Variants in XNDC1N observed in about 807,000 individuals in gnomAD.
XNDC1N encodes the protein XRCC1 N-terminal domain containing 1, N-terminal like.
the XNDC1N span, among the ~76,000 whole-genome samples, chr11:71,866,733 G>A: frequency 6.6e-6 from 1 of 151,516 alleles, no homozygotes; most frequent in East Asian, 1.9e-4. Flanking sequence ...CACTGTACTC[G>A]AGCCTGGGCG....
the XNDC1N span, among the ~76,000 whole-genome samples, chr11:71,891,420 G>C: frequency 6.6e-6 from 1 of 151,622 alleles, no homozygotes; most frequent in African/African-American, 2.4e-5. Flanking sequence ...GACTAACAAG[G>C]TCATGGGGAT....
At chr11:71,913,681 A>G in the XNDC1N span, among the ~76,000 whole-genome samples, 15 of 149,952 alleles carry the variant, frequency 1.0e-4, no homozygotes, top group East Asian at 2.0e-4. Context: ...AAAAAAAAAA[A>G]AAAAAAAGAA....
chr11:71,870,047 G>A, the XNDC1N span, among the ~76,000 whole-genome samples: 47 of 152,278 alleles, frequency 3.1e-4, 1 homozygote, highest in Middle Eastern at 0.02. Context: ...TACGTCTTAC[G>A]TGGTGTCAAG....
the XNDC1N span, among the ~76,000 whole-genome samples, chr11:71,905,885 A>G: frequency 6.6e-6 from 1 of 152,048 alleles, no homozygotes; most frequent in Non-Finnish European, 1.5e-5. Flanking sequence ...ACCCACTGTG[A>G]TCATTAAAGT....
chr11:71,907,168 C>T, the XNDC1N span, among the ~76,000 whole-genome samples: 354 of 151,904 alleles, frequency 2.3e-3, 1 homozygote, highest in South Asian at 0.01. Flanking sequence ...CACATTATCA[C>T]GAATAATATC....
At chr11:71,914,429 G>A in the XNDC1N span, 5 of 454,686 alleles carry the variant, frequency 1.1e-5, no homozygotes, top group Admixed American at 2.4e-5. Context: ...GCTCATGCCT[G>A]TAATCCCAGA....
chr11:71,899,299 C>T, the XNDC1N span, among the ~76,000 whole-genome samples: 3 of 152,118 alleles, frequency 2.0e-5, no homozygotes, highest in East Asian at 5.8e-4. Context: ...CATGGTGCAC[C>T]ACACAGGGAG....
the XNDC1N span, among the ~76,000 whole-genome samples, chr11:71,870,271 C>T: frequency 9.9e-5 from 15 of 152,236 alleles, no homozygotes; most frequent in East Asian, 2.3e-3. Context: ...TTCTTTGACA[C>T]CTTTGATGGT....
chr11:71,873,249 A>G, the XNDC1N span, among the ~76,000 whole-genome samples: 2 of 152,128 alleles, frequency 1.3e-5, no homozygotes, highest in African/African-American at 4.8e-5. Flanking sequence ...ATGTCTTGAA[A>G]ACCATAAATG....
the XNDC1N span, among the ~76,000 whole-genome samples, chr11:71,925,440 C>T: frequency 1.3e-5 from 2 of 152,108 alleles, no homozygotes; most frequent in African/African-American, 4.8e-5. Context: ...ATCTAAACAT[C>T]AAGCAGTCCT....
chr11:71,912,009 T>C, the XNDC1N span, among the ~76,000 whole-genome samples: 1 of 152,166 alleles, frequency 6.6e-6, no homozygotes, highest in African/African-American at 2.4e-5. Flanking sequence ...AGAGTAACTG[T>C]GCCACAGCTG....
the XNDC1N span, among the ~76,000 whole-genome samples, chr11:71,912,727 A>G: frequency 1.6e-4 from 25 of 152,102 alleles, no homozygotes; most frequent in Non-Finnish European, 3.4e-4. Flanking sequence ...TTCCCCCTGG[A>G]TATTAGGAAC....
the XNDC1N span, chr11:71,884,508 A>C: frequency 6.2e-7 from 1 of 1,609,930 alleles, no homozygotes; most frequent in Non-Finnish European, 8.5e-7. Flanking sequence ...TGCTGACTTC[A>C]GCATCTGCTG....
chr11:71,868,718 C>T, the XNDC1N span, among the ~76,000 whole-genome samples: 2 of 152,034 alleles, frequency 1.3e-5, no homozygotes, highest in Non-Finnish European at 2.9e-5. Flanking sequence ...AATACTTTTT[C>T]TTTCATGTCG....
chr11:71,920,598 C>T, the XNDC1N span, among the ~76,000 whole-genome samples: 1 of 152,196 alleles, frequency 6.6e-6, no homozygotes, highest in Non-Finnish European at 1.5e-5. Context: ...AGCCACCGTG[C>T]CCGGCCAAGA....
chr11:71,866,470 T>A, the XNDC1N span, among the ~76,000 whole-genome samples: 1 of 152,216 alleles, frequency 6.6e-6, no homozygotes, highest in African/African-American at 2.4e-5. Flanking sequence ...CCAAAGGAGT[T>A]AATTTTATTG....
chr11:71,923,452 A>G, the XNDC1N span: 1 of 669,684 alleles, frequency 1.5e-6, no homozygotes, highest in Non-Finnish European at 2.7e-6. Flanking sequence ...AGCTTCCAGA[A>G]AAGCAAGAAT....
At chr11:71,898,155 G>C in the XNDC1N span, among the ~76,000 whole-genome samples, 1 of 151,874 alleles carries the variant, frequency 6.6e-6, no homozygotes, top group Non-Finnish European at 1.5e-5. Flanking sequence ...CTGCACTCCA[G>C]CCTGTGCGAC....
chr11:71,908,510 G>A, the XNDC1N span, among the ~76,000 whole-genome samples: 1 of 152,018 alleles, frequency 6.6e-6, no homozygotes, highest in East Asian at 1.9e-4. Flanking sequence ...TCAACAGCTC[G>A]TTTACAACCC....
Sources: gnomAD v4.1 joint callset for allele counts (sites outside exome capture counted in the v4.1 genomes callset) on GRCh38, gnomAD v4.1.1 for gene constraint, MANE v1.5 for transcripts, NCBI Gene and HGNC (gene_info 2026-07-23, HGNC 2026-07-21) for gene names.